GHDC: variants seen among roughly 807,000 people sequenced by gnomAD.
GHDC encodes GH3 domain-containing protein.
GHDC carries 39 observed loss-of-function variants against 51.5 expected under a neutral mutation model. That is an observed-to-expected ratio of 0.76 (90% CI 0.59 to 0.99). The LOEUF is 0.99. GHDC is among the 50% of genes least tolerant of loss of function. The pLI, the probability that GHDC is intolerant of heterozygous loss-of-function variation, is 0.00. For synonymous variants in GHDC, 282 were observed against 305.2 expected (o/e 0.92, Z 0.79); for missense variants, 610 against 672.8 (o/e 0.91, Z 1.03).
chr17:42,193,406 G>A lies in GHDC; in HGVS notation c.176C>T (p.Thr59Met), dbSNP rs761882774. 6 of 1,585,324 alleles carry A rather than the reference G, an allele frequency of 3.8e-6. No homozygotes were observed. Among genetic ancestry groups the A allele is most frequent in the South Asian group, 2.3e-5 (2 of 86,894 alleles). Residue 59 changes from threonine to methionine, a missense_variant, in exon 3 of 10, where the codon ACG becomes ATG. Thr to Met is a moderately conservative substitution (Grantham distance 81, BLOSUM62 -1). Coordinates refer to ENST00000587427, the MANE Select transcript of GHDC (RefSeq NM_032484.5). ...CTGCTGGCTCTGGTGCACATGGAGC[G>A]TGCTCTGCTCCAGCCTCCGCCGCTG... The part of the protein sequence containing the change: ...TWQRRRLEQS[T>M]LHVHQSQQQA...
chr17:42,191,274 C>G, intron 5 of GHDC, 64 bp from the exon 6 acceptor site: 1 of 1,421,662 alleles, frequency 7.0e-7, no homozygotes, highest in East Asian at 2.7e-5. Context: ...AGGCAATAGC[C>G]CCTCCTGGAT....
In GHDC at chr17:42,189,501, T is replaced by C; in HGVS notation, c.*202A>G. 1 of 421,752 alleles carries C rather than the reference T, an allele frequency of 2.4e-6. No individual in the cohort carries two copies. Among genetic ancestry groups the C allele is most frequent in the Non-Finnish European group, 4.2e-6 (1 of 240,098 alleles). 26.1% of individuals were successfully genotyped at this position (421,752 alleles called of 1,614,324 possible). ...ACATGGGGACACGGGCAGGCACTGC[T>C]GGCATCTGCTAACCCCGGAGGCCCA... On this transcript the variant is annotated 3_prime_UTR_variant, in exon 10 of 10. Transcript: ENST00000587427.
At chr17:42,192,884 G>A in intron 4 of GHDC, 22 bp downstream of exon 4, 1 of 1,613,042 alleles carries the variant, frequency 6.2e-7, no homozygotes, top group Non-Finnish European at 8.5e-7. Flanking sequence ...GCCAGGACTG[G>A]GCTCTGGCCA....
chr17:42,193,924 T>A (rs187721253), intron 1 of GHDC, 74 bp from the exon 2 acceptor site: 43 of 302,632 alleles, frequency 1.4e-4, no homozygotes, highest in African/African-American at 9.2e-4. Flanking sequence ...GGCTATCATC[T>A]GTAATCCCAG....
At position 42,190,648 on chromosome 17, in the gene GHDC, C is replaced by T. The variant is rs370726372; in HGVS notation, c.1264G>A (p.Gly422Ser). The change falls in exon 8 of 10, where the codon GGC (glycine) becomes AGC (serine). Residue 422 changes from glycine (G) to serine (S), a missense_variant. Gly to Ser is a moderately conservative substitution (Grantham distance 56, BLOSUM62 0). Coordinates refer to ENST00000587427, the MANE Select transcript of GHDC (RefSeq NM_032484.5). ...CCCAGAATGCTGCTCTCCACACAGC[C>T]ATGGTCCAGCAGCTTGGCCCCCGCC... ...QWAGAKLLDH[G>S]CVESSILDSS... 1.2e-6 allele frequency: 2 copies of T among 1,613,036 alleles called. No individual in the cohort carries two copies. Among genetic ancestry groups the T allele is most frequent in the African/African-American group, 1.3e-5 (1 of 75,036 alleles).
chr17:42,190,505 A>C, intron 8 of GHDC, 119 bp downstream of exon 8: 5 of 1,423,674 alleles, frequency 3.5e-6, no homozygotes, highest in Non-Finnish European at 4.7e-6. Context: ...GATGCAGAGA[A>C]GGACTTTTGT....
chr17:42,189,971 C>A lies in GHDC; in HGVS notation c.1375-50G>T, dbSNP rs138550464. 5.0e-4 allele frequency: 724 copies of A among 1,435,760 alleles called. 5 individuals carry two copies. In the East Asian group the frequency reaches 0.016, roughly 32 times the overall value. The allele number at this position is 1,435,760 out of a possible 1,614,324, so 88.9% of individuals were successfully genotyped here. A position where few individuals can be genotyped will look rare whatever the true frequency, so the allele number is the denominator to read the frequency against. ...GCTGGTGTGTGACTGTGAGTGTGCA[C>A]ACGAGGCGTGTGTGGCTGTGCCCAG... On this transcript the variant is annotated intron_variant, in intron 9 of 9. Transcript: ENST00000587427.
chr17:42,192,211 C>T, intron 5 of GHDC, 30 bp downstream of exon 5: 1 of 1,514,144 alleles, frequency 6.6e-7, no homozygotes, highest in Non-Finnish European at 8.8e-7. Flanking sequence ...GACCGTTGCC[C>T]CCACCTCACT....
At position 42,193,780 on chromosome 17, in the gene GHDC, C is replaced by A; in HGVS notation, c.-27G>T. 1 of 705,570 alleles carries A rather than the reference C, an allele frequency of 1.4e-6. No individual in the cohort carries two copies. Among genetic ancestry groups the A allele is most frequent in the Non-Finnish European group, 2.3e-6 (1 of 437,302 alleles). The allele number at this position is 705,570 out of a possible 1,614,324, so 43.7% of individuals were successfully genotyped here. A position where few individuals can be genotyped will look rare whatever the true frequency, so the allele number is the denominator to read the frequency against. ...AGTCCCACTGACCTGAGTGCAGATC[C>A]TGCCTCTGCCGCTTGTTAGCTGTAG... On this transcript the variant is annotated 5_prime_UTR_variant, in exon 2 of 10. It adds an upstream start codon to the 5' untranslated region. Coordinates refer to ENST00000587427, the MANE Select transcript of GHDC (RefSeq NM_032484.5).
rs779394083 is a variant in GHDC at position 42,189,809 on chromosome 17, C to T, written c.1487G>A (p.Arg496Gln). The T allele has an allele frequency of 1.9e-6, 3 of 1,556,296 alleles. No homozygotes were observed. The highest frequency in any genetic ancestry group is 2.6e-6 in the Non-Finnish European group (3 of 1,151,034). ...GGAGGGGCAGGCAGCGAGGGCTGCC[C>T]GGAGTGCTCGGAAGGCTCCCTGCCC... ...LVGQGAFRALRAALAACPSSP... is the reference protein window; with the variant it reads ...LVGQGAFRALQAALAACPSSP... Residue 496 changes from arginine to glutamine, a missense_variant, in exon 10 of 10, where the codon CGG becomes CAG. Physicochemically the swap from Arg to Gln is conservative, Grantham distance 43. Around this residue, in one of 2 missense-constraint regions of GHDC, gnomAD observed 412 missense variants for 410.4 expected, o/e 1.00. Coordinates refer to ENST00000587427, the MANE Select transcript of GHDC (RefSeq NM_032484.5).
Position 42,192,245 on chromosome 17 carries a change from C to T in GHDC, c.885G>A (p.Ser295=), listed in dbSNP as rs760743126. The change falls in exon 5 of 10, where the codon TCG becomes TCA. Residue 295 remains serine (S), a synonymous_variant. Coordinates refer to ENST00000587427, the MANE Select transcript of GHDC (RefSeq NM_032484.5). ...LAFFSPAYAA[S]GGVLGLNLQP... Reference sequence around the variant, plus strand: ...CTGCCCTTGAGTCCCACTGACCTCCCGAGGCAGCATAAGCAGGAGAGAAGA... The same window carrying T: ...CTGCCCTTGAGTCCCACTGACCTCCTGAGGCAGCATAAGCAGGAGAGAAGA... The T allele has an allele frequency of 3.9e-5, 60 of 1,532,838 alleles. No homozygotes were observed. The highest frequency in any genetic ancestry group is 4.8e-5 in the Non-Finnish European group (55 of 1,140,152). The allele number at this position is 1,532,838 out of a possible 1,614,324, so 95.0% of individuals were successfully genotyped here.
chr17:42,192,267 A>G lies in GHDC; in HGVS notation c.863T>C (p.Phe288Ser). Residue 288 changes from phenylalanine to serine, a missense_variant, in exon 5 of 10, where the codon TTC becomes TCC. Coordinates refer to ENST00000587427, the MANE Select transcript of GHDC (RefSeq NM_032484.5). Reference sequence around the variant, plus strand: ...TCCCGAGGCAGCATAAGCAGGAGAGAAGAAGGCTAGTCCTTGGCACCACAA... The same window carrying G: ...TCCCGAGGCAGCATAAGCAGGAGAGGAGAAGGCTAGTCCTTGGCACCACAA... ...GALWCQGLAF[F>S]SPAYAASGGV... 1 of 1,559,266 alleles carries G rather than the reference A, an allele frequency of 6.4e-7. No individual in the cohort carries two copies. Among genetic ancestry groups the G allele is most frequent in the Non-Finnish European group, 8.7e-7 (1 of 1,153,164 alleles).
Position 42,193,844 on chromosome 17 carries a change from T to A in GHDC, c.-91A>T. ...TTAGTGGGCTGCACTGAGCTCTGTT[T>A]CCTGATCTGCAAAATGGGAATAAGA... On this transcript the variant is annotated 5_prime_UTR_variant, in exon 2 of 10. Coordinates refer to ENST00000587427, the MANE Select transcript of GHDC (RefSeq NM_032484.5). 2.0e-6 allele frequency: 1 copy of A among 500,044 alleles called. No homozygotes were observed. The highest frequency in any genetic ancestry group is 3.3e-5 in the East Asian group (1 of 30,208). 31.0% of individuals were successfully genotyped at this position (500,044 alleles called of 1,614,324 possible). A position where few individuals can be genotyped will look rare whatever the true frequency, so the allele number is the denominator to read the frequency against.
rs2144172197 is a variant in GHDC, at chr17:42,193,823, T to C, written c.-70A>G. The C allele has an allele frequency of 1.8e-6, 1 of 558,258 alleles. No homozygotes were observed. The highest frequency in any genetic ancestry group is 3.2e-6 in the Non-Finnish European group (1 of 317,354). 34.6% of individuals were successfully genotyped at this position (558,258 alleles called of 1,614,324 possible). ...AGCTGTAGGGCCCTGAGCAATTTAG[T>C]GGGCTGCACTGAGCTCTGTTTCCTG... is the stretch of plus-strand genomic sequence containing the variant. On this transcript the variant is annotated 5_prime_UTR_variant, in exon 2 of 10. Coordinates refer to ENST00000587427, the MANE Select transcript of GHDC (RefSeq NM_032484.5).
chr17:42,191,327 TC>T, intron 5 of GHDC, 117 bp from the exon 6 acceptor site: 1 of 989,688 alleles, frequency 1.0e-6, no homozygotes, highest in Non-Finnish European at 1.4e-6. Context: ...CTGCTGCCCT[TC>T]CACCACATCC....
At position 42,192,915 on chromosome 17, in the gene GHDC, G is replaced by A; in HGVS notation, c.378C>T (p.Ala126=). Residue 126 remains alanine (A), a synonymous_variant, in exon 4 of 10, where the codon GCC becomes GCT. Transcript: ENST00000587427. Reference sequence around the variant, plus strand: ...GGCCATCCTAGATTACCTGCAGAGAGGCCTCCCCAAGGTCCTGGTTTGAGG... The same window carrying A: ...GGCCATCCTAGATTACCTGCAGAGAAGCCTCCCCAAGGTCCTGGTTTGAGG... ...PPTSNQDLGE[A]SLQATLLGLA... is the part of the protein sequence containing the mutation. The A allele has an allele frequency of 6.2e-7, 1 of 1,614,074 alleles. No individual in the cohort carries two copies. The highest frequency in any genetic ancestry group is 1.7e-5 in the Admixed American group (1 of 59,980).
intron 2 of GHDC, 85 bp from the exon 3 acceptor site, chr17:42,193,679 G>A (rs908760496): frequency 5.6e-6 from 8 of 1,417,410 alleles, no homozygotes; most frequent in African/African-American, 4.3e-5. Flanking sequence ...CAGGAAAACC[G>A]AGGAAAAATG....
rs1296198026 is a variant in GHDC, at chr17:42,189,337, A to G, written c.*366T>C. 3 of 392,886 alleles carry G rather than the reference A, an allele frequency of 7.6e-6. No individual in the cohort carries two copies. Among genetic ancestry groups the G allele is most frequent in the Middle Eastern group, 1.3e-3 (2 of 1,590 alleles). 24.3% of individuals were successfully genotyped at this position (392,886 alleles called of 1,614,324 possible). On this transcript the variant is annotated 3_prime_UTR_variant, in exon 10 of 10. Transcript: ENST00000587427. The stretch of plus-strand genomic sequence containing the variant: ...ACTCAGGGTTGCTGCTCCTGGGGAC[A>G]TTAACCCCCCAACACTTCTAGCTTG...
At chr17:42,193,918 A>G (rs1040820119) in intron 1 of GHDC, 68 bp from the exon 2 acceptor site, 5 of 310,956 alleles carry the variant, frequency 1.6e-5, no homozygotes, top group Admixed American at 9.5e-5. Flanking sequence ...TGAGGTGGCT[A>G]TCATCTGTAA....
Sources: allele counts gnomAD v4.1 joint callset, GRCh38; gene constraint gnomAD v4.1.1; regional missense constraint gnomAD v4.1.1; transcripts MANE v1.5; gene names NCBI Gene and HGNC (gene_info 2026-07-23, HGNC 2026-07-21).